The following MYOM1 variants were observed in gnomAD, a reference collection of about 807,000 sequenced individuals.
The protein encoded by MYOM1 is myomesin-1.
Under a neutral mutation model 205.3 loss-of-function variants are expected in MYOM1, and 164 were observed. The observed-to-expected ratio is 0.80, with a 90% CI of 0.70 to 0.91. The LOEUF (loss-of-function observed/expected upper bound fraction) is 0.91. Among genes scored for constraint, MYOM1 ranks in the 40% least tolerant of loss-of-function variants. The pLI is 0.00. For missense variants in MYOM1, 2,011 were observed against 2,127.3 expected, an observed-to-expected ratio of 0.95 and a Z score of 1.08; for synonymous variants, 772 against 789.4, an observed-to-expected ratio of 0.98 and a Z score of 0.37.
chr18:3,109,145 A>G (rs1490624169), intron 22 of MYOM1, among the ~76,000 whole-genome samples: 10 of 151,020 alleles, frequency 6.6e-5, no homozygotes, highest in Non-Finnish European at 1.0e-4. Flanking sequence ...ACGCCCAGCT[A>G]ATTTTTTTTG....
intron 26 of MYOM1, among the ~76,000 whole-genome samples, chr18:3,092,602 A>G (rs941574208): frequency 2.0e-5 from 3 of 151,976 alleles, no homozygotes; most frequent in African/African-American, 7.3e-5. Flanking sequence ...TTTAGTTGCT[A>G]GGCATGCAAG....
chr18:3,112,373 C>A lies in MYOM1; in HGVS notation c.3343G>T (p.Val1115Phe). 6.2e-7 allele frequency: 1 copy of A among 1,611,978 alleles called. No homozygotes were observed. The highest frequency in any genetic ancestry group is 1.1e-5 in the South Asian group (1 of 90,864). The change falls in exon 22 of 38, where the codon GTT (valine) becomes TTT (phenylalanine). Residue 1115 changes from valine to phenylalanine, a missense_variant. By Grantham distance (50) the Val-to-Phe change is conservative (BLOSUM62 -1). Transcript: ENST00000356443. ...LKEGVSYVFR[V>F]RAINQAGVGK... Reference sequence around the variant, plus strand: ...ACTCCCGCCTGGTTTATGGCTCGAACACGGAACACGTAGCTGACGCCCTCC... The same window carrying A: ...ACTCCCGCCTGGTTTATGGCTCGAAAACGGAACACGTAGCTGACGCCCTCC...
intron 33 of MYOM1, among the ~76,000 whole-genome samples, chr18:3,081,122 C>T (rs2079080733): frequency 1.4e-5 from 2 of 146,788 alleles, no homozygotes; most frequent in Admixed American, 6.7e-5. Flanking sequence ...CAGAGTGAGA[C>T]TCCGTCTCAA....
intron 17 of MYOM1, among the ~76,000 whole-genome samples, chr18:3,129,970 G>T (rs149054926): frequency 2.6e-5 from 4 of 152,116 alleles, no homozygotes; most frequent in Non-Finnish European, 5.9e-5. Context: ...AATAGTAATG[G>T]TCTGTACCTC....
At chr18:3,169,415 G>T (rs2080521848) in intron 8 of MYOM1, among the ~76,000 whole-genome samples, 1 of 152,082 alleles carries the variant, frequency 6.6e-6, no homozygotes, top group Admixed American at 6.5e-5. Flanking sequence ...CATCTGACAA[G>T]GGATTAATAA....
chr18:3,246,232 G>GC, the MYOM1 span: 1 of 152,202 alleles, frequency 6.6e-6, no homozygotes, highest in Non-Finnish European at 1.5e-5. Context: ...TCCATGCATT[G>GC]CAAGTGCTCG....
rs2080690710 is a variant in MYOM1, at chr18:3,179,052, A to T, written c.930-2918T>A. 6.6e-6 allele frequency among the ~76,000 whole-genome samples: 1 copy of T among 152,060 alleles called. No homozygotes were observed. Among genetic ancestry groups the T allele is most frequent in the Non-Finnish European group, 1.5e-5 (1 of 68,012 alleles). ...TCAGCTAATTTTTTCTATTTTTTGTAGAGACAGGCTCTTGCTATGTTGCCT... is the reference window on the plus strand; with the variant it reads ...TCAGCTAATTTTTTCTATTTTTTGTTGAGACAGGCTCTTGCTATGTTGCCT... On this transcript the variant is annotated intron_variant, in intron 5 of 37. Transcript: ENST00000356443. The surrounding 1 kb of genome is among the most constrained non-coding windows in gnomAD (Gnocchi z 4.4).
chr18:3,135,571 C>G lies in MYOM1; in HGVS notation c.2185G>C (p.Val729Leu). ...GVGEPSEATE[V>L]TVVGDKLDIP... ...CCAAGTTTGTCCCCTACCACAGTCA[C>G]CTCCGTTGCCTCTGAGGGCTCACCA... Residue 729 changes from valine to leucine, a missense_variant, in exon 15 of 38, where the codon GTG (valine) becomes CTG (leucine). By Grantham distance (32) the Val-to-Leu change is conservative (BLOSUM62 1). Transcript: ENST00000356443. This position sits in a 1 kb window ranked among gnomAD's most constrained non-coding sequence, Gnocchi z 4.1. The G allele has an allele frequency of 6.2e-7, 1 of 1,613,736 alleles. No individual in the cohort carries two copies. The highest frequency in any genetic ancestry group is 1.1e-5 in the South Asian group (1 of 91,046).
the MYOM1 span, among the ~76,000 whole-genome samples, chr18:3,226,023 G>C: frequency 6.6e-6 from 1 of 152,210 alleles, no homozygotes; most frequent in Non-Finnish European, 1.5e-5. This position sits in a 1 kb window ranked among gnomAD's most constrained non-coding sequence, Gnocchi z 4.6. Flanking sequence ...CGAGAAGAGA[G>C]ATGGCCCCAT....
rs756788476 is a variant in MYOM1 at position 3,214,973 on chromosome 18, C to G, written c.251G>C (p.Arg84Pro). Residue 84 changes from arginine to proline, a missense_variant, in exon 2 of 38, where the codon CGG becomes CCG. Transcript: ENST00000356443. ...SQHALSSEVS[R>P]KAASAYDYGS... ...ATAATCGTAGGCTGAGGCTGCCTTC[C>G]GACTGACTTCAGAGCTCAGGGCGTG... is the stretch of plus-strand genomic sequence containing the variant. 26 of 1,608,898 alleles carry G rather than the reference C, an allele frequency of 1.6e-5. No homozygotes were observed. Among genetic ancestry groups the G allele is most frequent in the Non-Finnish European group, 1.7e-6 (2 of 1,176,770 alleles).
intron 2 of MYOM1, among the ~76,000 whole-genome samples, chr18:3,203,090 G>A (rs566663867): frequency 4.6e-5 from 7 of 151,380 alleles, no homozygotes; most frequent in East Asian, 3.9e-4. Context: ...AAAATACTTC[G>A]AACTATATAA....
chr18:3,167,253 A>G (rs550924355), intron 9 of MYOM1, among the ~76,000 whole-genome samples: 1 of 152,266 alleles, frequency 6.6e-6, no homozygotes, highest in African/African-American at 2.4e-5. Flanking sequence ...CAAGGATTTG[A>G]CTGTGTGATT....
chr18:3,119,015 T>C (rs1312748855), intron 20 of MYOM1, among the ~76,000 whole-genome samples: 1 of 152,182 alleles, frequency 6.6e-6, no homozygotes, highest in Non-Finnish European at 1.5e-5. Flanking sequence ...ACCTTACTAT[T>C]GCTAGTTTAA....
Position 3,188,734 on chromosome 18 carries a change from C to G in MYOM1, c.771+14G>C. The G allele has an allele frequency of 6.5e-7, 1 of 1,541,018 alleles. No individual in the cohort carries two copies. The highest frequency in any genetic ancestry group is 8.8e-7 in the Non-Finnish European group (1 of 1,142,440). ...TTCCACCTTTGTAAGTTACTTTAAACTGTCTTTTCTTACTGTTTTCCTCAG... is the reference window on the plus strand; with the variant it reads ...TTCCACCTTTGTAAGTTACTTTAAAGTGTCTTTTCTTACTGTTTTCCTCAG... On this transcript the variant is annotated intron_variant, in intron 4 of 37. Coordinates refer to ENST00000356443, the MANE Select transcript of MYOM1 (RefSeq NM_003803.4).
chr18:3,171,757 C>T (rs570481678), intron 8 of MYOM1, among the ~76,000 whole-genome samples: 3 of 152,218 alleles, frequency 2.0e-5, no homozygotes, highest in South Asian at 2.1e-4. Flanking sequence ...TAAATTTCAA[C>T]GTTCATAAAG....
rs1306869287 is a variant in MYOM1, at chr18:3,142,019, C to A, written c.1945G>T (p.Ala649Ser). 42 of 1,613,710 alleles carry A rather than the reference C, an allele frequency of 2.6e-5. No homozygotes were observed. The highest frequency in any genetic ancestry group is 3.2e-5 in the Non-Finnish European group (38 of 1,179,820). Residue 649 changes from alanine (A) to serine (S), a missense_variant, in exon 14 of 38, where the codon GCC (alanine) becomes TCC (serine). Coordinates refer to ENST00000356443, the MANE Select transcript of MYOM1 (RefSeq NM_003803.4). ...CTGAGCACCACATAGCTCCGGGTGG[C>A]CTCAGTGACAGAGAGGTCTGTCGGG... ...GPPTDLSVTE[A>S]TRSYVVLSWK...
chr18:3,070,715 GA>G (rs1423054162), intron 37 of MYOM1, among the ~76,000 whole-genome samples: 1 of 150,718 alleles, frequency 6.6e-6, no homozygotes, highest in Non-Finnish European at 1.5e-5. Context: ...CAAATGGAAA[GA>G]AACCAGAGGT....
At chr18:3,098,251 C>T (rs2079331093) in intron 25 of MYOM1, among the ~76,000 whole-genome samples, 1 of 152,044 alleles carries the variant, frequency 6.6e-6, no homozygotes, top group South Asian at 2.1e-4. Context: ...TTTATTATCT[C>T]TTACAGCATT....
In MYOM1 at chr18:3,135,183, C is replaced by T. The variant is rs538295326; in HGVS notation, c.2210-359G>A. ...CAGGCTGGTCTCAAACTCTTGGACT[C>T]AGGTGATCTGCCTGCCTCGGCCTCC... is the stretch of plus-strand genomic sequence containing the variant. On this transcript the variant is annotated intron_variant, in intron 15 of 37. Coordinates refer to ENST00000356443, the MANE Select transcript of MYOM1 (RefSeq NM_003803.4). This position sits in a 1 kb window ranked among gnomAD's most constrained non-coding sequence, Gnocchi z 4.1. 4.9e-5 allele frequency: 14 copies of T among 287,242 alleles called. No individual in the cohort carries two copies. In the South Asian group the frequency reaches 5.8e-4, roughly 12 times the overall value. 17.8% of individuals were successfully genotyped at this position (287,242 alleles called of 1,614,324 possible). A position where few individuals can be genotyped will look rare whatever the true frequency, so the allele number is the denominator to read the frequency against.
Sources: gnomAD v4.1 joint callset for allele counts (sites outside exome capture counted in the v4.1 genomes callset) on GRCh38, gnomAD v4.1.1 for gene constraint, Gnocchi (gnomAD v3.1) non-coding constraint, MANE v1.5 for transcripts, NCBI Gene and HGNC (gene_info 2026-07-23, HGNC 2026-07-21) for gene names.